The following PRDM15 variants were observed in gnomAD, a reference collection of about 807,000 sequenced individuals.
The protein encoded by PRDM15 is PR domain zinc finger protein 15.
In PRDM15, 64 loss-of-function variants were observed where a neutral mutation model predicts 128.6. That is an observed-to-expected ratio of 0.50 (90% CI 0.41 to 0.61). The LOEUF (loss-of-function observed/expected upper bound fraction) is 0.61. Among genes scored for constraint, PRDM15 ranks in the 20% least tolerant of loss-of-function variants. PRDM15 has a pLI of 0.00. For missense variants in PRDM15, 1,242 were observed against 1,569.1 expected (o/e 0.79, Z 3.52); for synonymous variants, 615 against 621.8 (o/e 0.99, Z 0.16).
At chr21:41,842,556 T>A (rs1477855924) in intron 6 of PRDM15, among the ~76,000 whole-genome samples, 1 of 152,032 alleles carries the variant, frequency 6.6e-6, no homozygotes, top group Non-Finnish European at 1.5e-5. Context: ...CAGTGTGCGA[T>A]CTCGGCTCAC....
At position 41,820,091 on chromosome 21, in the gene PRDM15, G is replaced by A. The variant is rs373736760; in HGVS notation, c.2140+4C>T. On this transcript the variant is annotated splice_donor_region_variant and intron_variant, in intron 17 of 23. Coordinates refer to ENST00000398548, the MANE Select transcript of PRDM15 (RefSeq NM_001040424.3). ...CGGGACCCCAAATGCTGACAGACAC[G>A]CACCTGTGTGGATGAGCTTGTGGCG... 49 of 1,613,156 alleles carry A rather than the reference G, an allele frequency of 3.0e-5. 1 individual carries two copies. Among genetic ancestry groups the A allele is most frequent in the Middle Eastern group, 3.3e-4 (2 of 6,054 alleles).
rs923430730 is a variant in PRDM15, at chr21:41,832,142, C to T, written c.1366+3295G>A. Among the ~76,000 whole-genome samples, 3 of 152,234 alleles carry T rather than the reference C, an allele frequency of 2.0e-5. No individual in the cohort carries two copies. Among genetic ancestry groups the T allele is most frequent in the African/African-American group, 7.2e-5 (3 of 41,458 alleles). On this transcript the variant is annotated intron_variant, in intron 11 of 23. Transcript: ENST00000398548. This position sits in a 1 kb window ranked among gnomAD's most constrained non-coding sequence, Gnocchi z 4.2. ...GCTACGTGATATTCCATCCAGCTCA[C>T]TTCTCAAAACTCACTTTGCTATTTT...
intron 3 of PRDM15, 86 bp from the exon 4 acceptor site, chr21:41,857,415 C>A (rs1601420573): frequency 2.1e-6 from 3 of 1,408,782 alleles, no homozygotes; most frequent in Non-Finnish European, 3.0e-6. Context: ...CTCGCCCTCA[C>A]TGACCGCCAG....
At chr21:41,875,081 C>T (rs974218903) in intron 1 of PRDM15, 12 of 152,498 alleles carry the variant, frequency 7.9e-5, no homozygotes, top group African/African-American at 2.9e-4. Context: ...CAGCAGGGTC[C>T]CTGCCCAATC....
chr21:41,814,287 G>A (rs1220666457), intron 19 of PRDM15: 1 of 58,338 alleles, frequency 1.7e-5, no homozygotes, highest in East Asian at 5.2e-4. Flanking sequence ...GATTGCGCAG[G>A]GTGCTCTAGT....
At chr21:41,858,883 G>T in intron 3 of PRDM15, 1 of 605,750 alleles carries the variant, frequency 1.7e-6, no homozygotes, top group Non-Finnish European at 2.9e-6. Flanking sequence ...GAGGCTCCTG[G>T]AAACAGTTCT....
At chr21:41,820,280 C>T (rs74357060) in intron 16 of PRDM15, 106 bp from the exon 17 acceptor site, 26,916 of 790,444 alleles carry the variant, frequency 0.034, 583 homozygotes, top group Middle Eastern at 0.082. Context: ...CAACAAGGTG[C>T]CACGGGGATG....
chr21:41,861,913 C>T (rs1311174790), intron 1 of PRDM15: 1 of 1,612,618 alleles, frequency 6.2e-7, no homozygotes, highest in Admixed American at 1.7e-5. Flanking sequence ...TCTTCTTTTC[C>T]TGGGAACACA....
intron 21 of PRDM15, among the ~76,000 whole-genome samples, chr21:41,807,119 A>G (rs190693410): frequency 3.2e-4 from 49 of 152,346 alleles, no homozygotes; most frequent in African/African-American, 1.2e-3. Flanking sequence ...TCAGTATCCT[A>G]GTCACACAGT....
intron 1 of PRDM15, among the ~76,000 whole-genome samples, chr21:41,866,429 G>A (rs2064011640): frequency 6.6e-6 from 1 of 152,234 alleles, no homozygotes; most frequent in Non-Finnish European, 1.5e-5. Flanking sequence ...TCCATGACAG[G>A]AGGTGGCCCC....
intron 5 of PRDM15, among the ~76,000 whole-genome samples, chr21:41,849,446 G>C (rs2063361469): frequency 6.6e-6 from 1 of 152,094 alleles, no homozygotes; most frequent in Non-Finnish European, 1.5e-5. Context: ...GCATGCGCCT[G>C]TAATTACAGC....
chr21:41,819,507 T>A, intron 18 of PRDM15, 75 bp downstream of exon 18: 2 of 992,760 alleles, frequency 2.0e-6, no homozygotes, highest in Non-Finnish European at 2.7e-6. Flanking sequence ...CAGTTCTCGC[T>A]CATGTCCCCT....
chr21:41,804,365 A>C (rs1489012494), intron 22 of PRDM15, among the ~76,000 whole-genome samples, 169 bp downstream of exon 22: 1 of 152,240 alleles, frequency 6.6e-6, no homozygotes, highest in Admixed American at 6.5e-5. Context: ...AGAAACGAGG[A>C]GATGATCTAA....
intron 1 of PRDM15, chr21:41,878,662 A>G: frequency 1.4e-6 from 2 of 1,442,274 alleles, no homozygotes; most frequent in Non-Finnish European, 1.9e-6. Flanking sequence ...GCTTACGAAA[A>G]TAAGGCGCAG....
intron 5 of PRDM15, among the ~76,000 whole-genome samples, chr21:41,852,325 G>A (rs914434074): frequency 1.3e-5 from 2 of 152,268 alleles, no homozygotes; most frequent in African/African-American, 2.4e-5. Flanking sequence ...GTGGGCACAC[G>A]TGCTGCCAGC....
chr21:41,815,423 G>A (rs2062015544), intron 19 of PRDM15, among the ~76,000 whole-genome samples: 1 of 152,194 alleles, frequency 6.6e-6, no homozygotes, highest in African/African-American at 2.4e-5. Flanking sequence ...TCCTGAGGGG[G>A]AAACAGCTGA....
chr21:41,831,088 C>A (rs2062675091), intron 11 of PRDM15, among the ~76,000 whole-genome samples: 2 of 152,252 alleles, frequency 1.3e-5, no homozygotes, highest in Non-Finnish European at 2.9e-5. Context: ...GAGCAGACTG[C>A]ACTTCTGGGC....
intron 21 of PRDM15, among the ~76,000 whole-genome samples, chr21:41,805,881 C>CACAACCA (rs2061550185): frequency 7.3e-6 from 1 of 137,834 alleles, no homozygotes; most frequent in African/African-American, 2.7e-5. Flanking sequence ...CATCACCACC[C>CACAACCA]CCTCCATCAC....
At chr21:41,808,846 C>T (rs563107493) in intron 21 of PRDM15, among the ~76,000 whole-genome samples, 3 of 152,328 alleles carry the variant, frequency 2.0e-5, no homozygotes, top group East Asian at 3.9e-4. Flanking sequence ...AATTGAATCA[C>T]GTTCTTATTG....
Sources: allele counts gnomAD v4.1 joint callset (sites outside exome capture counted in the v4.1 genomes callset), GRCh38; gene constraint gnomAD v4.1.1; non-coding constraint Gnocchi (gnomAD v3.1); transcripts MANE v1.5; gene names NCBI Gene and HGNC (gene_info 2026-07-23, HGNC 2026-07-21).